The following ZC3H18 variants were observed in gnomAD, a reference collection of about 807,000 sequenced individuals.
The protein encoded by ZC3H18 is zinc finger CCCH domain-containing protein 18.
Under a neutral mutation model 106.1 loss-of-function variants are expected in ZC3H18, and 8 were observed. The ratio of observed to expected loss-of-function variants is 0.08; its 90% CI spans 0.04 to 0.14. ZC3H18 has a LOEUF of 0.14. Ranked by LOEUF, ZC3H18 falls within the 10% of genes least tolerant of loss-of-function variation. The pLI, the probability that ZC3H18 is intolerant of heterozygous loss-of-function variation, is 1.00. For missense variants in ZC3H18, 1,318 were observed against 1,278.4 expected, an observed-to-expected ratio of 1.03 and a Z score of -0.47; for synonymous variants, 635 against 522.1, an observed-to-expected ratio of 1.22 and a Z score of -2.95.
chr16:88,588,404 G>A (rs1490449521), intron 3 of ZC3H18, among the ~76,000 whole-genome samples: 1 of 152,218 alleles, frequency 6.6e-6, no homozygotes, highest in Non-Finnish European at 1.5e-5. Flanking sequence ...ACCAGGGCAG[G>A]GAGACTCTGG....
At chr16:88,574,553 G>T (rs1053920303) in intron 1 of ZC3H18, among the ~76,000 whole-genome samples, 2 of 150,830 alleles carry the variant, frequency 1.3e-5, no homozygotes, top group African/African-American at 4.9e-5. Context: ...TTGAGTCAGG[G>T]TCTCACTCTG....
chr16:88,594,055 G>C (rs1325589508), intron 3 of ZC3H18, among the ~76,000 whole-genome samples: 3 of 152,298 alleles, frequency 2.0e-5, no homozygotes, highest in South Asian at 4.1e-4. Flanking sequence ...ACACTGAAAA[G>C]GCTTTTAGAT....
chr16:88,615,201 C>T (rs1365955103), intron 8 of ZC3H18, among the ~76,000 whole-genome samples: 1 of 127,278 alleles, frequency 7.9e-6, no homozygotes, highest in African/African-American at 2.7e-5. Context: ...TCCTCCGTTC[C>T]CTCTGCCTTT....
At chr16:88,611,727 C>T (rs553719391) in intron 8 of ZC3H18, among the ~76,000 whole-genome samples, 191 bp downstream of exon 8, 3 of 152,364 alleles carry the variant, frequency 2.0e-5, no homozygotes, top group East Asian at 1.9e-4. Context: ...CTGTAAAACT[C>T]CCAAGGCCGT....
chr16:88,603,895 A>G (rs986179628), intron 6 of ZC3H18, among the ~76,000 whole-genome samples: 2 of 151,490 alleles, frequency 1.3e-5, no homozygotes, highest in African/African-American at 4.9e-5. Flanking sequence ...GGCCTCCCAA[A>G]GTGCTGGGAT....
At chr16:88,626,952 T>A (rs1906349675) in intron 13 of ZC3H18, 1 of 152,296 alleles carries the variant, frequency 6.6e-6, no homozygotes, top group Admixed American at 6.5e-5. Flanking sequence ...AATTTCCCTG[T>A]GGGCTGAGGC....
rs74033328 is a variant in ZC3H18 at position 88,625,182 on chromosome 16, C to T, written c.2043-20C>T. 1.2e-4 allele frequency: 192 copies of T among 1,567,394 alleles called. 1 individual carries two copies. In the African/African-American group the frequency reaches 2.1e-3, roughly 17 times the overall value. ...TGTGGAGGCCACGCCCCCTGAGCCC[C>T]GCTGTTGCTTGTATTACAGGCGGAC... On this transcript the variant is annotated intron_variant, in intron 12 of 17. Transcript: ENST00000301011.
At chr16:88,623,439 GGGTATTGAAGGTCCC>G in intron 10 of ZC3H18, 95 bp downstream of exon 10, 1 of 1,499,312 alleles carries the variant, frequency 6.7e-7, no homozygotes, top group Non-Finnish European at 9.0e-7. Flanking sequence ...TAGCCCCTTG[GGGTATTGAAGGTCCC>G]TGCTGGCAGC....
chr16:88,603,579 A>G (rs1904857529), intron 6 of ZC3H18, among the ~76,000 whole-genome samples: 1 of 149,370 alleles, frequency 6.7e-6, no homozygotes, highest in East Asian at 2.1e-4. Context: ...AGCCAAGATC[A>G]TGCCCCTGCA....
At chr16:88,615,597 GTC>G (rs1184568239) in intron 8 of ZC3H18, among the ~76,000 whole-genome samples, 2 of 152,228 alleles carry the variant, frequency 1.3e-5, no homozygotes, top group African/African-American at 4.8e-5. Flanking sequence ...AACCAGCTGA[GTC>G]TGCTTTCCAG....
At chr16:88,586,114 G>T (rs1915416842) in intron 2 of ZC3H18, among the ~76,000 whole-genome samples, 1 of 152,174 alleles carries the variant, frequency 6.6e-6, no homozygotes, top group Admixed American at 6.5e-5. Context: ...TCAGGGTGAG[G>T]AGCTGGTTGA....
At chr16:88,604,955 T>G (rs1170036991) in intron 6 of ZC3H18, among the ~76,000 whole-genome samples, 3 of 152,176 alleles carry the variant, frequency 2.0e-5, no homozygotes, top group African/African-American at 7.2e-5. Flanking sequence ...CAGAGAGTAG[T>G]GCAGTGCCGG....
At chr16:88,598,442 G>A in intron 4 of ZC3H18, 116 bp downstream of exon 4, 1 of 1,501,192 alleles carries the variant, frequency 6.7e-7, no homozygotes, top group Non-Finnish European at 9.0e-7. Context: ...CCTTTCGGCT[G>A]CTTCTGTCGT....
At chr16:88,610,378 G>T (rs903829241) in intron 7 of ZC3H18, among the ~76,000 whole-genome samples, 1 of 152,282 alleles carries the variant, frequency 6.6e-6, no homozygotes, top group East Asian at 1.9e-4. Flanking sequence ...CATCGTGCCA[G>T]AAAAGTCCCC....
intron 6 of ZC3H18, among the ~76,000 whole-genome samples, chr16:88,607,591 T>C (rs1320652190): frequency 2.0e-5 from 3 of 152,030 alleles, no homozygotes. Flanking sequence ...GTATCAGGCG[T>C]CTCCCCATTT....
Position 88,577,337 on chromosome 16 carries a change from C to T in ZC3H18, c.214C>T (p.Arg72Trp), listed in dbSNP as rs144227799. The T allele has an allele frequency of 5.6e-6, 9 of 1,605,106 alleles. No homozygotes were observed. Among genetic ancestry groups the T allele is most frequent in the African/African-American group, 2.7e-5 (2 of 74,722 alleles). The change falls in exon 2 of 18, where the codon CGG becomes TGG. Residue 72 changes from arginine (R) to tryptophan (W), a missense_variant. By Grantham distance (101) the Arg-to-Trp change is moderately radical. This residue lies in a region of ZC3H18 where 346 missense variants were observed against 269.0 expected (regional missense o/e 1.29). Transcript: ENST00000301011. ...EEDNHSDEED[R>W]ASEPKSQDQD... ...AGATAATCACTCCGACGAGGAGGAC[C>T]GGGCAAGTGAGCCTAAATCCCAAGA...
At position 88,598,602 on chromosome 16, in the gene ZC3H18, C is replaced by T. The variant is rs764136072; in HGVS notation, c.838-18C>T. 10 of 1,599,118 alleles carry T rather than the reference C, an allele frequency of 6.3e-6. No homozygotes were observed. Among genetic ancestry groups the T allele is most frequent in the Middle Eastern group, 1.6e-4 (1 of 6,064 alleles). ...AAAGTTTTACTTTCTCACCTTCTCC[C>T]TTCTCGTTTTTCAATAGGGTGGGCC... On this transcript the variant is annotated intron_variant, in intron 4 of 17. Coordinates refer to ENST00000301011, the MANE Select transcript of ZC3H18 (RefSeq NM_144604.4).
intron 1 of ZC3H18, among the ~76,000 whole-genome samples, chr16:88,572,327 G>T (rs1177697193): frequency 6.6e-6 from 1 of 152,158 alleles, no homozygotes; most frequent in African/African-American, 2.4e-5. Context: ...TTTTTGAGAC[G>T]GAGTCTCACT....
chr16:88,590,970 ACTTT>A (rs1915716879), intron 3 of ZC3H18, among the ~76,000 whole-genome samples: 1 of 128,802 alleles, frequency 7.8e-6, no homozygotes, highest in Non-Finnish European at 1.6e-5. Flanking sequence ...GTGGTGGAAT[ACTTT>A]TTTTTTTTTT....
Sources: allele counts gnomAD v4.1 joint callset (sites outside exome capture counted in the v4.1 genomes callset), GRCh38; gene constraint gnomAD v4.1.1; regional missense constraint gnomAD v4.1.1; transcripts MANE v1.5; gene names NCBI Gene and HGNC (gene_info 2026-07-23, HGNC 2026-07-21).